The following CPB2 variants were observed in gnomAD, a reference collection of about 807,000 sequenced individuals.
The protein encoded by CPB2 is carboxypeptidase B2, also known as carboxypeptidase B-like protein.
CPB2 carries 54 observed loss-of-function variants against 57.0 expected under a neutral mutation model. The observed-to-expected ratio is 0.95, with a 90% CI of 0.76 to 1.19. CPB2 has a LOEUF of 1.19. Among genes scored for constraint, CPB2 ranks in the 50% most tolerant of loss-of-function variants. CPB2 has a pLI of 0.00. For synonymous variants in CPB2, 189 were observed against 178.1 expected, an observed-to-expected ratio of 1.06 and a Z score of -0.49; for missense variants, 426 against 512.0, an observed-to-expected ratio of 0.83 and a Z score of 1.62.
intron 7 of CPB2, among the ~76,000 whole-genome samples, chr13:46,066,119 G>A (rs1388842192): frequency 6.9e-6 from 1 of 145,394 alleles, no homozygotes; most frequent in South Asian, 2.1e-4. Context: ...CCTCCTACAT[G>A]AAATAATTCA....
chr13:46,058,262 A>T lies in CPB2; in HGVS notation c.916T>A (p.Tyr306Asn), dbSNP rs759509065. Residue 306 changes from tyrosine (Y) to asparagine (N), a missense_variant, in exon 9 of 11, where the codon TAC (tyrosine) becomes AAC (asparagine). Physicochemically the swap from Tyr to Asn is moderately radical, Grantham distance 143. Coordinates refer to ENST00000181383, the MANE Select transcript of CPB2 (RefSeq NM_001872.5). ...TGGGAGTATGAATGCATGCTGATGTATGCTTTAATCTGGTTGATATTTCTT... is the reference window on the plus strand; with the variant it reads ...TGGGAGTATGAATGCATGCTGATGTTTGCTTTAATCTGGTTGATATTTCTT... Reference protein sequence around the residue: ...LRRNINQIKAYISMHSYSQHI... With the variant: ...LRRNINQIKANISMHSYSQHI... 1 of 1,614,094 alleles carries T rather than the reference A, an allele frequency of 6.2e-7. No individual in the cohort carries two copies. The highest frequency in any genetic ancestry group is 8.5e-7 in the Non-Finnish European group (1 of 1,179,942).
chr13:46,100,980 AGTT>A, intron 1 of CPB2: 1 of 152,364 alleles, frequency 6.6e-6, no homozygotes, highest in East Asian at 1.9e-4. Context: ...GAGGTGAGGC[AGTT>A]GTTTTCCTAT....
Position 46,064,689 on chromosome 13 carries a change from C to A in CPB2, c.755G>T (p.Gly252Val), listed in dbSNP as rs1285994791. 1.2e-6 allele frequency: 2 copies of A among 1,614,136 alleles called. No individual in the cohort carries two copies. Among genetic ancestry groups the A allele is most frequent in the East Asian group, 2.2e-5 (1 of 44,870 alleles). ...AGCAAAGTTCCTATTCAGGTCTGTT[C>A]CGATGCAATGATTGTTCGCATAGAA... ...RSFYANNHCIGTDLNRNFASK... is the reference protein window; with the variant it reads ...RSFYANNHCIVTDLNRNFASK... The change falls in exon 8 of 11, where the codon GGA (glycine) becomes GTA (valine). Residue 252 changes from glycine to valine, a missense_variant. Gly to Val is a moderately radical substitution (Grantham distance 109). Coordinates refer to ENST00000181383, the MANE Select transcript of CPB2 (RefSeq NM_001872.5).
At chr13:46,087,204 A>G (rs757620271) in intron 2 of CPB2, among the ~76,000 whole-genome samples, 16 of 152,312 alleles carry the variant, frequency 1.1e-4, no homozygotes, top group African/African-American at 3.1e-4. Context: ...CCGCCCTGCC[A>G]TCACAGAAGG....
chr13:46,082,024 A>G (rs538490580), intron 4 of CPB2, among the ~76,000 whole-genome samples: 76 of 152,362 alleles, frequency 5.0e-4, no homozygotes, highest in African/African-American at 1.5e-3. Flanking sequence ...GTTATAGTGT[A>G]TTAAATATAA....
intron 5 of CPB2, among the ~76,000 whole-genome samples, chr13:46,074,509 G>C (rs1352337077): frequency 1.3e-5 from 2 of 152,096 alleles, no homozygotes; most frequent in African/African-American, 2.4e-5. Context: ...GCAAATCCAG[G>C]GACAGAGGCT....
At position 46,073,861 on chromosome 13, in the gene CPB2, G is replaced by A. The variant is rs768639264; in HGVS notation, c.591+12C>T. The A allele has an allele frequency of 6.6e-7, 1 of 1,508,752 alleles. No individual in the cohort carries two copies. Among genetic ancestry groups the A allele is most frequent in the East Asian group, 2.3e-5 (1 of 43,538 alleles). The allele number at this position is 1,508,752 out of a possible 1,614,324, so 93.5% of individuals were successfully genotyped here. On this transcript the variant is annotated intron_variant, in intron 6 of 10. Transcript: ENST00000181383. The stretch of plus-strand genomic sequence containing the variant: ...TTTTGAGAAATAGGGTTAAGAGAAT[G>A]TGAATACTTACATGGCCTATGAACC...
intron 10 of CPB2, among the ~76,000 whole-genome samples, chr13:46,054,348 A>T (rs1252879304): frequency 6.6e-6 from 1 of 152,138 alleles, no homozygotes; most frequent in East Asian, 1.9e-4. Flanking sequence ...TTTGTTTGGC[A>T]TGTAGACCTT....
intron 6 of CPB2, among the ~76,000 whole-genome samples, chr13:46,068,254 T>C (rs552553949): frequency 6.6e-6 from 1 of 152,326 alleles, no homozygotes; most frequent in East Asian, 1.9e-4. Flanking sequence ...CCTTAAAGCA[T>C]ACTCATGACA....
chr13:46,053,564 C>T lies in CPB2; in HGVS notation c.*50G>A. On this transcript the variant is annotated 3_prime_UTR_variant, in exon 11 of 11. Transcript: ENST00000181383. ...AATTTGATACAATGATTTGGTCTTG[C>T]TGGAATCAGTAAATTAAAATACGGA... The T allele has an allele frequency of 6.3e-7, 1 of 1,585,388 alleles. No individual in the cohort carries two copies. Among genetic ancestry groups the T allele is most frequent in the Non-Finnish European group, 8.6e-7 (1 of 1,162,896 alleles).
chr13:46,094,174 C>T (rs1329973478), intron 1 of CPB2, among the ~76,000 whole-genome samples: 2 of 152,140 alleles, frequency 1.3e-5, no homozygotes, highest in African/African-American at 4.8e-5. Context: ...AGCGTAGTCA[C>T]CCAGTGGGTT....
intron 1 of CPB2, among the ~76,000 whole-genome samples, chr13:46,102,540 C>CAAAAAA (rs10624204): frequency 4.6e-5 from 5 of 108,200 alleles, no homozygotes; most frequent in East Asian, 3.0e-4. Flanking sequence ...ATGATTATGA[C>CAAAAAA]AAAAAAAAAA....
At chr13:46,055,498 A>T (rs1052243713) in intron 10 of CPB2, among the ~76,000 whole-genome samples, 1 of 152,214 alleles carries the variant, frequency 6.6e-6, no homozygotes, top group Non-Finnish European at 1.5e-5. Flanking sequence ...AACTAGTATG[A>T]TGCCAATTCT....
chr13:46,079,890 CT>C (rs2045085462), intron 4 of CPB2, among the ~76,000 whole-genome samples: 1 of 152,208 alleles, frequency 6.6e-6, no homozygotes, highest in African/African-American at 2.4e-5. Flanking sequence ...GAATTAAGGG[CT>C]CCTGCCCACC....
intron 9 of CPB2, among the ~76,000 whole-genome samples, chr13:46,057,961 C>T (rs1029263698): frequency 1.2e-4 from 7 of 56,048 alleles, no homozygotes; most frequent in African/African-American, 5.1e-4. Flanking sequence ...AGGAAGCCCA[C>T]GTGCTGAATA....
At chr13:46,097,275 A>G (rs2045379001) in intron 1 of CPB2, 2 of 152,018 alleles carry the variant, frequency 1.3e-5, no homozygotes, top group Non-Finnish European at 2.9e-5. Context: ...AGCAGCACGG[A>G]CTCCTCTCAT....
chr13:46,071,596 A>G (rs1240931215), intron 6 of CPB2, among the ~76,000 whole-genome samples: 1 of 152,234 alleles, frequency 6.6e-6, no homozygotes, highest in Non-Finnish European at 1.5e-5. Flanking sequence ...ATAAAGAATC[A>G]TGAACCGGGT....
At chr13:46,062,041 T>G (rs1461922193) in intron 8 of CPB2, among the ~76,000 whole-genome samples, 1 of 151,596 alleles carries the variant, frequency 6.6e-6, no homozygotes, top group East Asian at 1.9e-4. Context: ...TTTTTTTTTT[T>G]TTTAGTTAAA....
In CPB2 at chr13:46,058,334, A is replaced by T. The variant is rs139468136; in HGVS notation, c.844T>A (p.Tyr282Asn). ...TTCACTTCTGGTTCTGACTCAGGAT[A>T]AAGTCCACAGTAGGTTTCCGAGCAT... ...SSCSETYCGLYPESEPEVKAV... is the reference protein window; with the variant it reads ...SSCSETYCGLNPESEPEVKAV... The change falls in exon 9 of 11, where the codon TAT becomes AAT. Residue 282 changes from tyrosine (Y) to asparagine (N), a missense_variant. Transcript: ENST00000181383. 1 of 1,613,968 alleles carries T rather than the reference A, an allele frequency of 6.2e-7. No individual in the cohort carries two copies. The highest frequency in any genetic ancestry group is 1.3e-5 in the African/African-American group (1 of 74,916).
Sources: allele counts gnomAD v4.1 joint callset (sites outside exome capture counted in the v4.1 genomes callset), GRCh38; gene constraint gnomAD v4.1.1; transcripts MANE v1.5; gene names NCBI Gene and HGNC (gene_info 2026-07-23, HGNC 2026-07-21).